ANKFY1: variants seen among roughly 807,000 people sequenced by gnomAD.
ANKFY1 encodes the protein ankyrin repeat and FYVE domain containing 1, also known as ankyrin repeat and FYVE domain-containing protein 1.
Under a neutral mutation model 128.3 loss-of-function variants are expected in ANKFY1, and 47 were observed. The ratio of observed to expected loss-of-function variants is 0.37; its 90% CI spans 0.29 to 0.47. The LOEUF (loss-of-function observed/expected upper bound fraction) is 0.47. ANKFY1 is among the 20% of genes least tolerant of loss of function. ANKFY1 has a pLI of 1.00. For synonymous variants in ANKFY1, 553 were observed against 601.6 expected, an observed-to-expected ratio of 0.92 and a Z score of 1.18; for missense variants, 1,222 against 1,510.6, an observed-to-expected ratio of 0.81 and a Z score of 3.17.
In ANKFY1 at chr17:4,188,869, GAA is replaced by G. The variant is rs10708951; in HGVS notation, c.1470+511_1470+512del. The G allele has an allele frequency of 1.5e-3, 188 of 126,870 alleles. 1 individual carries two copies. Among genetic ancestry groups the G allele is most frequent in the East Asian group, 4.7e-3 (21 of 4,468 alleles). The allele number at this position is 126,870 out of a possible 1,614,324, so 7.9% of individuals were successfully genotyped here. A position where few individuals can be genotyped will look rare whatever the true frequency, so the allele number is the denominator to read the frequency against. ...CAACAAGAGCAAAACTGTGTCTCAA[GAA>G]AAAAAAAAAAAAAAAGAAGAAGACT... On this transcript the variant is annotated intron_variant, in intron 11 of 24. Transcript: ENST00000341657.
Position 4,174,017 on chromosome 17 carries a change from G to A in ANKFY1, c.2815C>T (p.Arg939Cys), listed in dbSNP as rs981970431. 2.5e-6 allele frequency: 4 copies of A among 1,614,206 alleles called. No individual in the cohort carries two copies. Among genetic ancestry groups the A allele is most frequent in the African/African-American group, 1.3e-5 (1 of 75,074 alleles). ...GAKVNELTKH[R>C]QTALHLAAQQ... ...GCAGCAAGATGGAGGGCAGTCTGGC[G>A]ATGCTTGGTTAATTCGTTCACTTTG... is the stretch of plus-strand genomic sequence containing the variant. Residue 939 changes from arginine to cysteine, a missense_variant, in exon 20 of 25, where the codon CGC becomes TGC. Arg to Cys is a radical substitution (Grantham distance 180, BLOSUM62 -3). Coordinates refer to ENST00000341657, the MANE Select transcript of ANKFY1 (RefSeq NM_001330063.2).
chr17:4,176,597 C>T (rs2059415437), intron 19 of ANKFY1, among the ~76,000 whole-genome samples: 1 of 152,222 alleles, frequency 6.6e-6, no homozygotes, highest in Non-Finnish European at 1.5e-5. Context: ...ACACCACATG[C>T]ACTTCCCAAT....
At chr17:4,176,176 C>T (rs563524750) in intron 19 of ANKFY1, among the ~76,000 whole-genome samples, 40 of 152,344 alleles carry the variant, frequency 2.6e-4, no homozygotes, top group Admixed American at 2.2e-3. Context: ...CCGCCCCACA[C>T]CTGTGTGCCT....
chr17:4,254,900 G>A (rs1968034893), intron 1 of ANKFY1, among the ~76,000 whole-genome samples: 1 of 152,054 alleles, frequency 6.6e-6, no homozygotes, highest in African/African-American at 2.4e-5. Flanking sequence ...TACTAACAGT[G>A]AAACTCACTT....
intron 3 of ANKFY1, among the ~76,000 whole-genome samples, chr17:4,233,529 C>A (rs1436080979): frequency 6.6e-6 from 1 of 152,152 alleles, no homozygotes; most frequent in Non-Finnish European, 1.5e-5. Flanking sequence ...TAGTTATGGA[C>A]CTCAAGTTAA....
intron 3 of ANKFY1, among the ~76,000 whole-genome samples, chr17:4,230,825 G>A (rs2060501164): frequency 1.3e-5 from 2 of 152,078 alleles, no homozygotes; most frequent in East Asian, 1.9e-4. Flanking sequence ...TTCATACTTT[G>A]AGAAAAGCTG....
intron 19 of ANKFY1, 106 bp downstream of exon 19, chr17:4,177,020 G>T: frequency 8.2e-7 from 1 of 1,225,880 alleles, no homozygotes; most frequent in Non-Finnish European, 1.1e-6. Context: ...AAATTCCCCA[G>T]GTGCTTTCAC....
chr17:4,226,941 TACAA>T (rs1299663721), intron 3 of ANKFY1, among the ~76,000 whole-genome samples: 11 of 151,958 alleles, frequency 7.2e-5, no homozygotes, highest in East Asian at 3.9e-4. Flanking sequence ...AGGAGAAAAC[TACAA>T]ACAAATTCAT....
chr17:4,231,906 T>C (rs2060518141), intron 3 of ANKFY1, among the ~76,000 whole-genome samples: 1 of 149,060 alleles, frequency 6.7e-6, no homozygotes, highest in Non-Finnish European at 1.5e-5. Flanking sequence ...CATGGCACTC[T>C]AGCCTGGGTG....
At chr17:4,186,894 C>T (rs1171257339) in intron 11 of ANKFY1, 1 of 1,069,404 alleles carries the variant, frequency 9.4e-7, no homozygotes, top group Non-Finnish European at 1.1e-6. Context: ...ACATCCCTAC[C>T]TTAAATGTGT....
intron 3 of ANKFY1, among the ~76,000 whole-genome samples, chr17:4,219,609 G>A (rs1253142362): frequency 6.6e-6 from 1 of 151,978 alleles, no homozygotes; most frequent in Non-Finnish European, 1.5e-5. Context: ...GAGTGGGAAG[G>A]AGCAGCTTGA....
At chr17:4,252,403 C>CA (rs1967886651) in intron 1 of ANKFY1, among the ~76,000 whole-genome samples, 1 of 151,902 alleles carries the variant, frequency 6.6e-6, no homozygotes, top group Non-Finnish European at 1.5e-5. Context: ...CCCGTCTCCA[C>CA]AAAAAAATTT....
In ANKFY1 at chr17:4,173,220, T is replaced by C. The variant is rs2059354098; in HGVS notation, c.3014+134A>G. On this transcript the variant is annotated intron_variant, in intron 21 of 24. Transcript: ENST00000341657. Reference sequence around the variant, plus strand: ...CGGTACCAAAAGTACCAAAATAAAGTACCCGAAGCTGGTGAGGTGCCCCAG... The same window carrying C: ...CGGTACCAAAAGTACCAAAATAAAGCACCCGAAGCTGGTGAGGTGCCCCAG... The C allele has an allele frequency of 5.7e-6, 4 of 707,324 alleles. No homozygotes were observed. In the East Asian group the frequency reaches 1.1e-4, roughly 19 times the overall value. The allele number at this position is 707,324 out of a possible 1,614,324, so 43.8% of individuals were successfully genotyped here.
chr17:4,223,614 T>C (rs1055226099), intron 3 of ANKFY1: 2 of 1,422,266 alleles, frequency 1.4e-6, no homozygotes, highest in African/African-American at 1.4e-5. Context: ...TGGGAACTCA[T>C]GACTCTGGGC....
chr17:4,224,890 G>A (rs1313817870), intron 3 of ANKFY1, among the ~76,000 whole-genome samples: 4 of 149,536 alleles, frequency 2.7e-5, no homozygotes, highest in Non-Finnish European at 4.4e-5. Context: ...TAAGATTCCC[G>A]TTTATTGCAC....
intron 1 of ANKFY1, among the ~76,000 whole-genome samples, chr17:4,243,185 G>C (rs1361886189): frequency 2.6e-5 from 4 of 151,974 alleles, no homozygotes; most frequent in Non-Finnish European, 5.9e-5. Flanking sequence ...TCCTGCCTCA[G>C]CCTCCTGAGT....
At chr17:4,194,954 C>T (rs758978707) in intron 10 of ANKFY1, 24 bp downstream of exon 10, 1 of 1,614,072 alleles carries the variant, frequency 6.2e-7, no homozygotes, top group South Asian at 1.1e-5. Context: ...CCAGCGTCGC[C>T]CCTTCGGGAG....
intron 3 of ANKFY1, among the ~76,000 whole-genome samples, chr17:4,220,688 T>C (rs930826765): frequency 6.6e-6 from 1 of 152,180 alleles, no homozygotes; most frequent in Non-Finnish European, 1.5e-5. Flanking sequence ...CAAAATACAC[T>C]GAGAATAAAT....
chr17:4,172,136 G>A (rs771576063), intron 22 of ANKFY1, among the ~76,000 whole-genome samples: 37 of 152,170 alleles, frequency 2.4e-4, no homozygotes, highest in African/African-American at 6.0e-4. Context: ...AAGGCACCCC[G>A]TGTATCTGGG....
Sources: allele counts gnomAD v4.1 joint callset (sites outside exome capture counted in the v4.1 genomes callset), GRCh38; gene constraint gnomAD v4.1.1; transcripts MANE v1.5; gene names NCBI Gene and HGNC (gene_info 2026-07-23, HGNC 2026-07-21).